SGMS1: variants seen among roughly 807,000 people sequenced by gnomAD.
The protein encoded by SGMS1 is sphingomyelin synthase 1, also known as phosphatidylcholine:ceramide cholinephosphotransferase 1.
SGMS1 carries 13 observed loss-of-function variants against 46.2 expected under a neutral mutation model. That is an observed-to-expected ratio of 0.28 (90% CI 0.18 to 0.45). The LOEUF (loss-of-function observed/expected upper bound fraction) is 0.45. SGMS1 is among the 20% of genes least tolerant of loss of function. The pLI is 1.00. For missense variants in SGMS1, 324 were observed against 519.9 expected, an observed-to-expected ratio of 0.62 and a Z score of 3.66; for synonymous variants, 203 against 187.8, an observed-to-expected ratio of 1.08 and a Z score of -0.66.
chr10:50,622,986 C>G (rs936591839), intron 1 of SGMS1, among the ~76,000 whole-genome samples: 1 of 152,250 alleles, frequency 6.6e-6, no homozygotes, highest in Admixed American at 6.5e-5. Context: ...CTGTCCAGTT[C>G]TGGGCTGCGC....
At chr10:50,552,135 G>A (rs1384189056) in intron 2 of SGMS1, among the ~76,000 whole-genome samples, 1 of 152,168 alleles carries the variant, frequency 6.6e-6, no homozygotes, top group East Asian at 1.9e-4. Flanking sequence ...CCTTGGTCTA[G>A]AGAATCAAGT....
At chr10:50,537,961 A>C (rs971951887) in intron 2 of SGMS1, among the ~76,000 whole-genome samples, 1 of 152,062 alleles carries the variant, frequency 6.6e-6, no homozygotes, top group Non-Finnish European at 1.5e-5. Flanking sequence ...TTACATATTA[A>C]ATGTTTGGTC....
chr10:50,582,610 G>A (rs1235605851), intron 2 of SGMS1, among the ~76,000 whole-genome samples: 1 of 152,178 alleles, frequency 6.6e-6, no homozygotes, highest in Non-Finnish European at 1.5e-5. Flanking sequence ...GCCCACCCTG[G>A]ATATGGCTGA....
intron 3 of SGMS1, among the ~76,000 whole-genome samples, chr10:50,470,855 A>C (rs144320503): frequency 6.6e-6 from 1 of 152,156 alleles, no homozygotes; most frequent in Non-Finnish European, 1.5e-5. Context: ...GAGTTCAGCA[A>C]CTTCCAAACT....
At chr10:50,471,533 T>C (rs1397169500) in intron 3 of SGMS1, among the ~76,000 whole-genome samples, 2 of 152,174 alleles carry the variant, frequency 1.3e-5, no homozygotes, top group African/African-American at 4.8e-5. Context: ...CGCAAACACT[T>C]TTCCTGGTTT....
chr10:50,463,820 C>A (rs975048462), intron 4 of SGMS1, among the ~76,000 whole-genome samples: 1 of 152,072 alleles, frequency 6.6e-6, no homozygotes, highest in African/African-American at 2.4e-5. Context: ...TATATACATA[C>A]AATGGAATAT....
intron 6 of SGMS1, among the ~76,000 whole-genome samples, chr10:50,369,767 T>C (rs1214569946): frequency 6.6e-6 from 1 of 152,194 alleles, no homozygotes; most frequent in East Asian, 1.9e-4. Flanking sequence ...ATATCATAAA[T>C]CCATCTACAG....
chr10:50,581,490 T>TA (rs1392913061), intron 2 of SGMS1, among the ~76,000 whole-genome samples: 14 of 152,312 alleles, frequency 9.2e-5, no homozygotes, highest in South Asian at 6.2e-4. Flanking sequence ...TTGCTGACAT[T>TA]ACAGGAAATA....
intron 2 of SGMS1, among the ~76,000 whole-genome samples, chr10:50,582,921 G>T (rs78496683): frequency 6.6e-6 from 1 of 152,206 alleles, no homozygotes; most frequent in African/African-American, 2.4e-5. Flanking sequence ...TACAGGTCAT[G>T]TGAGTCTGAA....
At chr10:50,495,094 C>T (rs1388635238) in intron 3 of SGMS1, among the ~76,000 whole-genome samples, 2 of 140,014 alleles carry the variant, frequency 1.4e-5, no homozygotes, top group South Asian at 2.3e-4. Context: ...AAAAATTAGC[C>T]GGACGTGCTT....
intron 2 of SGMS1, among the ~76,000 whole-genome samples, chr10:50,533,687 A>C (rs1837975246): frequency 6.6e-6 from 1 of 152,108 alleles, no homozygotes; most frequent in African/African-American, 2.4e-5. Flanking sequence ...AGGAAATAAT[A>C]AATAATAATT....
intron 6 of SGMS1, among the ~76,000 whole-genome samples, chr10:50,397,737 C>T (rs138733798): frequency 5.9e-5 from 9 of 152,284 alleles, no homozygotes; most frequent in African/African-American, 1.4e-4. Flanking sequence ...AATGCAACAG[C>T]TGTTACTTAA....
chr10:50,417,188 C>T (rs180755681), intron 6 of SGMS1, among the ~76,000 whole-genome samples: 1 of 152,238 alleles, frequency 6.6e-6, no homozygotes, highest in African/African-American at 2.4e-5. Flanking sequence ...CCCTACTTCC[C>T]CAAACTCTTG....
At chr10:50,388,959 T>C (rs1194298341) in intron 6 of SGMS1, among the ~76,000 whole-genome samples, 2 of 152,226 alleles carry the variant, frequency 1.3e-5, no homozygotes, top group Non-Finnish European at 2.9e-5. Context: ...AAAATCATAC[T>C]GTATATGGGA....
intron 6 of SGMS1, among the ~76,000 whole-genome samples, chr10:50,349,172 C>T (rs144063646): frequency 2.2e-3 from 333 of 152,312 alleles, no homozygotes; most frequent in Non-Finnish European, 4.0e-3. Context: ...ACTGGGACAA[C>T]AAAATTATTC....
chr10:50,383,753 T>C (rs566174819), intron 6 of SGMS1, among the ~76,000 whole-genome samples: 2 of 152,348 alleles, frequency 1.3e-5, no homozygotes, highest in South Asian at 2.1e-4. Context: ...ATTATTAAGA[T>C]ATATCCATTG....
intron 3 of SGMS1, among the ~76,000 whole-genome samples, chr10:50,510,512 T>C (rs1837744031): frequency 6.6e-6 from 1 of 152,212 alleles, no homozygotes; most frequent in African/African-American, 2.4e-5. Context: ...AGGAGAGTTC[T>C]AGTTGCTCTG....
At chr10:50,562,607 G>A (rs1338744339) in intron 2 of SGMS1, among the ~76,000 whole-genome samples, 2 of 152,112 alleles carry the variant, frequency 1.3e-5, no homozygotes, top group East Asian at 1.9e-4. Context: ...GCAGTGGCGC[G>A]ATCTCGTCTC....
chr10:50,500,944 T>A (rs1837656549), intron 3 of SGMS1, among the ~76,000 whole-genome samples: 3 of 152,206 alleles, frequency 2.0e-5, no homozygotes, highest in Admixed American at 6.5e-5. Flanking sequence ...TCTTAAATAT[T>A]TCTATGGTAG....
Sources: gnomAD v4.1 joint callset for allele counts (sites outside exome capture counted in the v4.1 genomes callset) on GRCh38, gnomAD v4.1.1 for gene constraint, MANE v1.5 for transcripts, NCBI Gene and HGNC (gene_info 2026-07-23, HGNC 2026-07-21) for gene names.